ZC3H12D: variants seen among roughly 807,000 people sequenced by gnomAD.
ZC3H12D encodes probable ribonuclease ZC3H12D.
In ZC3H12D, 11 loss-of-function variants were observed where a neutral mutation model predicts 24.2. The observed-to-expected ratio is 0.46, with a 90% confidence interval of 0.29 to 0.75. The LOEUF (loss-of-function observed/expected upper bound fraction) is 0.75. Ranked by LOEUF, ZC3H12D falls within the 30% of genes least tolerant of loss-of-function variation. The pLI is 0.11. For synonymous variants in ZC3H12D, 333 were observed against 341.8 expected (o/e 0.97, Z 0.28); for missense variants, 740 against 767.7 (o/e 0.96, Z 0.43).
chr6:149,463,065 T>C (rs930543793), intron 2 of ZC3H12D, among the ~76,000 whole-genome samples: 1 of 152,228 alleles, frequency 6.6e-6, no homozygotes, highest in African/African-American at 2.4e-5. Context: ...TCCTGACTAA[T>C]ACGGCTCCAA....
chr6:149,468,586 G>T (rs1188734767), intron 2 of ZC3H12D, among the ~76,000 whole-genome samples: 1 of 152,208 alleles, frequency 6.6e-6, no homozygotes, highest in Non-Finnish European at 1.5e-5. Context: ...TTGCCACTCT[G>T]TTTCTTACTG....
rs754716258 is a variant in ZC3H12D, at chr6:149,450,795, C to G, written c.1472G>C (p.Arg491Pro). ...GGCCATCACGCGGTCCACCTGGTCA[C>G]GCGGGAAGACGCTGTAGAGCGCGAT... is the stretch of plus-strand genomic sequence containing the variant. ...ARIALYSVFP[R>P]DQVDRVMAAF... Residue 491 changes from arginine to proline, a missense_variant, in exon 6 of 6, where the codon CGT (arginine) becomes CCT (proline). Coordinates refer to ENST00000409806, the MANE Select transcript of ZC3H12D (RefSeq NM_207360.3). The G allele has an allele frequency of 2.5e-4, 388 of 1,548,924 alleles. No homozygotes were observed. Among genetic ancestry groups the G allele is most frequent in the Non-Finnish European group, 3.2e-4 (364 of 1,146,806 alleles).
chr6:149,461,953 GTTTC>G lies in ZC3H12D; in HGVS notation c.319_322del (p.Glu107ProfsTer77). 6.2e-7 allele frequency: 1 copy of G among 1,611,850 alleles called. No homozygotes were observed. The highest frequency in any genetic ancestry group is 8.5e-7 in the Non-Finnish European group (1 of 1,179,120). On this transcript the variant is annotated frameshift_variant, in exon 3 of 6. Transcript: ENST00000409806. LOFTEE classifies it high-confidence loss of function. ...CAGCTTGATTCCCCGGCAAGAGAAG[GTTTC>G]TTTATTTCCATGGCTACAATGGGAA... is the stretch of plus-strand genomic sequence containing the variant.
chr6:149,471,577 A>G lies in ZC3H12D; in HGVS notation c.305+2662T>C, dbSNP rs115713908. Among the ~76,000 whole-genome samples the G allele has an allele frequency of 4.4e-4, 67 of 152,378 alleles. 1 individual carries two copies. Among genetic ancestry groups the G allele is most frequent in the African/African-American group, 1.5e-3 (61 of 41,590 alleles). The stretch of plus-strand genomic sequence containing the variant: ...TGACAGACCCTTTAAGTGTCTATTG[A>G]AAGCTGTGACTCTTTCCCCCAGAGA... On this transcript the variant is annotated intron_variant, in intron 2 of 5. Transcript: ENST00000409806.
In ZC3H12D at chr6:149,474,311, A is replaced by G; in HGVS notation, c.233T>C (p.Leu78Pro). 1 of 1,587,630 alleles carries G rather than the reference A, an allele frequency of 6.3e-7. No individual in the cohort carries two copies. Among genetic ancestry groups the G allele is most frequent in the Non-Finnish European group, 8.6e-7 (1 of 1,162,648 alleles). Residue 78 changes from leucine (L) to proline (P), a missense_variant, in exon 2 of 6, where the codon CTG (leucine) becomes CCG (proline). Leu to Pro is a moderately conservative substitution (Grantham distance 98). Transcript: ENST00000409806. ...GGCCAGGGTTCTGAAGTCCTCTTCC[A>G]GGGCTGTCCCCGGGCCACGCTGGGC... is the stretch of plus-strand genomic sequence containing the variant. ...DSAQRGPGTALEEDFRTLASS... is the reference protein window; with the variant it reads ...DSAQRGPGTAPEEDFRTLASS...
intron 1 of ZC3H12D, among the ~76,000 whole-genome samples, chr6:149,478,273 T>C (rs1287575268): frequency 6.6e-6 from 1 of 152,146 alleles, no homozygotes; most frequent in East Asian, 1.9e-4. Flanking sequence ...AGAGTCTACA[T>C]GTTATGTGAT....
chr6:149,450,718 A>C lies in ZC3H12D; in HGVS notation c.1549T>G (p.Cys517Gly), dbSNP rs1247416505. ...CCCAGGGGCGCCCCCGCGCTCTGGC[A>C]TCTCTGTACCAGGAGGATGAGCCTG... ...LARLILLVQR[C>G]QSAGAPLGKP The change falls in exon 6 of 6, where the codon TGC becomes GGC. Residue 517 changes from cysteine to glycine, a missense_variant. Coordinates refer to ENST00000409806, the MANE Select transcript of ZC3H12D (RefSeq NM_207360.3). 1 of 1,543,762 alleles carries C rather than the reference A, an allele frequency of 6.5e-7. No individual in the cohort carries two copies.
intron 2 of ZC3H12D, among the ~76,000 whole-genome samples, chr6:149,470,175 A>G (rs1776222716): frequency 6.6e-6 from 1 of 152,176 alleles, no homozygotes; most frequent in South Asian, 2.1e-4. Flanking sequence ...CCTGGCCAAC[A>G]TGGTGAAACC....
At chr6:149,476,261 C>A (rs188300647) in intron 1 of ZC3H12D, among the ~76,000 whole-genome samples, 3 of 152,290 alleles carry the variant, frequency 2.0e-5, no homozygotes, top group Admixed American at 2.0e-4. Flanking sequence ...AATTCCAGGA[C>A]TTTGGGAGGC....
chr6:149,454,952 C>T (rs749955915), intron 4 of ZC3H12D, among the ~76,000 whole-genome samples: 2 of 152,252 alleles, frequency 1.3e-5, no homozygotes, highest in African/African-American at 2.4e-5. Context: ...GACCACAGTA[C>T]CCCCTGCTGC....
chr6:149,470,709 C>T (rs1297150664), intron 2 of ZC3H12D, among the ~76,000 whole-genome samples: 2 of 152,184 alleles, frequency 1.3e-5, no homozygotes, highest in African/African-American at 4.8e-5. Flanking sequence ...AGCTGGATGG[C>T]TGAAAAGGGA....
At chr6:149,477,353 G>T (rs561753236) in intron 1 of ZC3H12D, among the ~76,000 whole-genome samples, 2 of 152,320 alleles carry the variant, frequency 1.3e-5, no homozygotes, top group East Asian at 3.9e-4. Context: ...GCCCACTGAT[G>T]GCAGGCACCA....
Position 149,450,833 on chromosome 6 carries a change from G to A in ZC3H12D, c.1434C>T (p.Arg478=), listed in dbSNP as rs532395715. The part of the protein sequence containing the change: ...YATEDDEGDA[R]ARARIALYSV... ...TGTAGAGCGCGATGCGAGCCCGGGC[G>A]CGCGCGTCCCCCTCGTCGTCCTCGG... Residue 478 remains arginine, a synonymous_variant, in exon 6 of 6, where the codon CGC becomes CGT. Coordinates refer to ENST00000409806, the MANE Select transcript of ZC3H12D (RefSeq NM_207360.3). The A allele has an allele frequency of 1.8e-3, 2,823 of 1,546,088 alleles. 17 individuals carry two copies. Among genetic ancestry groups the A allele is most frequent in the South Asian group, 9.8e-3 (820 of 84,032 alleles).
intron 2 of ZC3H12D, among the ~76,000 whole-genome samples, chr6:149,473,316 C>G (rs1776275853): frequency 6.6e-6 from 1 of 152,178 alleles, no homozygotes; most frequent in Non-Finnish European, 1.5e-5. Flanking sequence ...CGGAGAATTG[C>G]TTTTCTGGAT....
rs776181127 is a variant in ZC3H12D at position 149,456,677 on chromosome 6, G to A, written c.669C>T (p.Phe223=). The A allele has an allele frequency of 1.1e-5, 18 of 1,598,454 alleles. No individual in the cohort carries two copies. In the South Asian group the frequency reaches 2.0e-4, roughly 18 times the overall value. Residue 223 remains phenylalanine, a synonymous_variant, in exon 4 of 6, where the codon TTC becomes TTT. Transcript: ENST00000409806. The surrounding 1 kb of genome is among the most constrained non-coding windows in gnomAD (Gnocchi z 4.3). ...FIEQRLLMFS[F]VNDRFMPPDD... is the part of the protein sequence containing the mutation. ...CCAGCCGGACCTACCGGTCGTTGAC[G>A]AAGGAGAACATGAGCAGCCTCTGCT...
At chr6:149,473,792 G>A (rs1363346540) in intron 2 of ZC3H12D, among the ~76,000 whole-genome samples, 1 of 152,148 alleles carries the variant, frequency 6.6e-6, no homozygotes, top group South Asian at 2.1e-4. Flanking sequence ...TTTCACAGAA[G>A]AGGAAATGAG....
chr6:149,456,714 T>C lies in ZC3H12D; in HGVS notation c.632A>G (p.Lys211Arg). Residue 211 changes from lysine (K) to arginine (R), a missense_variant, in exon 4 of 6, where the codon AAG (lysine) becomes AGG (arginine). Physicochemically the swap from Lys to Arg is conservative, Grantham distance 26 (BLOSUM62 2). Coordinates refer to ENST00000409806, the MANE Select transcript of ZC3H12D (RefSeq NM_207360.3). The surrounding 1 kb of genome is among the most constrained non-coding windows in gnomAD (Gnocchi z 4.3). Reference protein sequence around the residue: ...RDLQSENPEWKWFIEQRLLMF... With the variant: ...RDLQSENPEWRWFIEQRLLMF... ...GAGCAGCCTCTGCTCGATGAACCAC[T>C]TCCACTCGGGGTTCTCGCTCTGCAG... 1 of 1,574,086 alleles carries C rather than the reference T, an allele frequency of 6.4e-7. No individual in the cohort carries two copies. The highest frequency in any genetic ancestry group is 8.7e-7 in the Non-Finnish European group (1 of 1,153,994).
chr6:149,462,468 C>A (rs1776089580), intron 2 of ZC3H12D, among the ~76,000 whole-genome samples: 1 of 152,094 alleles, frequency 6.6e-6, no homozygotes, highest in South Asian at 2.1e-4. Context: ...CAAATAATAA[C>A]CATTAACAAG....
chr6:149,450,935 G>A lies in ZC3H12D; in HGVS notation c.1332C>T (p.Asp444=), dbSNP rs1251917459. 6 of 1,539,710 alleles carry A rather than the reference G, an allele frequency of 3.9e-6. No homozygotes were observed. The highest frequency in any genetic ancestry group is 2.0e-5 in the Admixed American group (1 of 50,864). Residue 444 remains aspartate (D), a synonymous_variant, in exon 6 of 6, where the codon GAC becomes GAT. Transcript: ENST00000409806. The part of the protein sequence containing the change: ...DDPWARPPRS[D]RFPGRSVWAE... ...CCCAGACGGAGCGCCCAGGGAAGCG[G>A]TCGGAGCGGGGTGGACGGGCCCACG...
Sources: allele counts gnomAD v4.1 joint callset (sites outside exome capture counted in the v4.1 genomes callset), GRCh38; gene constraint gnomAD v4.1.1; non-coding constraint Gnocchi (gnomAD v3.1); transcripts MANE v1.5; gene names NCBI Gene and HGNC (gene_info 2026-07-23, HGNC 2026-07-21).